Variants in ERBB4 observed in about 807,000 individuals in gnomAD.
ERBB4 encodes the protein erb-b2 receptor tyrosine kinase 4.
Under a neutral mutation model 158.0 loss-of-function variants are expected in ERBB4, and 42 were observed. That is an observed-to-expected ratio of 0.27 (90% CI 0.21 to 0.34). ERBB4 has a LOEUF of 0.34. ERBB4 is among the 10% of genes least tolerant of loss of function. The pLI is 1.00. For missense variants in ERBB4, 1,333 were observed against 1,624.1 expected (o/e 0.82, Z 3.08); for synonymous variants, 583 against 558.7 (o/e 1.04, Z -0.61).
intron 20 of ERBB4, among the ~76,000 whole-genome samples, chr2:211,555,305 C>T (rs1237908625): frequency 6.6e-6 from 1 of 152,154 alleles, no homozygotes. Context: ...CCTGCCTCAG[C>T]CTCCCTAGTA....
intron 14 of ERBB4, among the ~76,000 whole-genome samples, chr2:211,667,936 G>A (rs1263827005): frequency 6.6e-6 from 1 of 151,972 alleles, no homozygotes; most frequent in Non-Finnish European, 1.5e-5. Flanking sequence ...TAATGACCGG[G>A]ATATATTCTG....
At chr2:212,289,138 T>C (rs560966942) in intron 1 of ERBB4, among the ~76,000 whole-genome samples, 1 of 152,280 alleles carries the variant, frequency 6.6e-6, no homozygotes, top group African/African-American at 2.4e-5. Flanking sequence ...TCATATACTA[T>C]AAATGAAATG....
chr2:212,166,620 A>G (rs907926499), intron 1 of ERBB4, among the ~76,000 whole-genome samples: 2 of 152,046 alleles, frequency 1.3e-5, no homozygotes, highest in East Asian at 1.9e-4. Context: ...ATCAAAGAAG[A>G]CCCCGTACAG....
At chr2:211,615,654 AT>A (rs2069358165) in intron 19 of ERBB4, among the ~76,000 whole-genome samples, 1 of 151,978 alleles carries the variant, frequency 6.6e-6, no homozygotes, top group Non-Finnish European at 1.5e-5. Flanking sequence ...ACTGCCCCTT[AT>A]TTATTTTTTG....
intron 3 of ERBB4, among the ~76,000 whole-genome samples, chr2:211,857,143 A>G (rs886116516): frequency 1.4e-5 from 2 of 146,376 alleles, no homozygotes; most frequent in East Asian, 4.0e-4. Context: ...GACTCTGTGT[A>G]TATCTCTGTG....
At chr2:212,372,231 A>T (rs1228130809) in intron 1 of ERBB4, among the ~76,000 whole-genome samples, 1 of 152,094 alleles carries the variant, frequency 6.6e-6, no homozygotes, top group East Asian at 1.9e-4. Context: ...TTTTTTGTCA[A>T]CAGTTACTTA....
chr2:211,665,342 G>A lies in ERBB4; in HGVS notation c.1852C>T (p.His618Tyr). The change falls in exon 15 of 28, where the codon CAT (histidine) becomes TAT (tyrosine). Residue 618 changes from histidine (H) to tyrosine (Y), a missense_variant. This residue lies in a region of ERBB4 where 245 missense variants were observed against 247.5 expected (regional missense o/e 0.99). Coordinates refer to ENST00000342788, the MANE Select transcript of ERBB4 (RefSeq NM_005235.3). ...ADPDRECHPC[H>Y]PNCTQGCNGP... ...GCTTACCCTTGGGTGCAGTTTGGAT[G>A]GCATGGGTGGCACTCCCGATCTGGA... is the stretch of plus-strand genomic sequence containing the variant. 6.2e-7 allele frequency: 1 copy of A among 1,614,134 alleles called. No individual in the cohort carries two copies. The highest frequency in any genetic ancestry group is 8.5e-7 in the Non-Finnish European group (1 of 1,180,010).
intron 3 of ERBB4, among the ~76,000 whole-genome samples, chr2:211,845,573 T>C (rs143149658): frequency 0.011 from 1,666 of 152,274 alleles, 14 homozygotes; most frequent in Admixed American, 0.021. Flanking sequence ...CACAGGTTGC[T>C]GGGCTTGTGT....
chr2:211,684,767 T>C (rs909877978), intron 12 of ERBB4, among the ~76,000 whole-genome samples: 1 of 152,212 alleles, frequency 6.6e-6, no homozygotes, highest in Non-Finnish European at 1.5e-5. Context: ...TGAAGGACCC[T>C]ATGAGGAGAT....
At chr2:211,562,566 A>T (rs2067426643) in intron 19 of ERBB4, among the ~76,000 whole-genome samples, 1 of 152,152 alleles carries the variant, frequency 6.6e-6, no homozygotes, top group South Asian at 2.1e-4. Flanking sequence ...GTCATGTATA[A>T]ATCGTAAATA....
chr2:211,575,779 G>A (rs909665340), intron 19 of ERBB4, among the ~76,000 whole-genome samples: 2 of 152,126 alleles, frequency 1.3e-5, no homozygotes, highest in African/African-American at 2.4e-5. Context: ...GCAGGACTGT[G>A]TCATTCTGAC....
chr2:211,930,527 A>G (rs2080145022), intron 3 of ERBB4, among the ~76,000 whole-genome samples: 1 of 152,116 alleles, frequency 6.6e-6, no homozygotes, highest in Non-Finnish European at 1.5e-5. Context: ...AACCAAGTCT[A>G]TTCTGCAGGT....
intron 1 of ERBB4, among the ~76,000 whole-genome samples, chr2:212,352,766 G>A (rs1056498277): frequency 6.6e-5 from 10 of 152,056 alleles, no homozygotes; most frequent in East Asian, 1.9e-4. Flanking sequence ...TACTTGGGAG[G>A]CTGAGGCAGG....
chr2:211,905,317 C>G (rs908670033), intron 3 of ERBB4, among the ~76,000 whole-genome samples: 6 of 152,006 alleles, frequency 3.9e-5, no homozygotes, highest in African/African-American at 1.4e-4. Flanking sequence ...TTCTGCCTCT[C>G]TCTTCCACTA....
intron 3 of ERBB4, among the ~76,000 whole-genome samples, chr2:211,794,605 A>G (rs2076344153): frequency 6.6e-6 from 1 of 151,986 alleles, no homozygotes; most frequent in Non-Finnish European, 1.5e-5. Context: ...TGCACTAGAT[A>G]TTTACATTGT....
At chr2:211,675,792 T>TCATA (rs1553607853) in intron 13 of ERBB4, among the ~76,000 whole-genome samples, 1 of 93,574 alleles carries the variant, frequency 1.1e-5, no homozygotes, top group Admixed American at 1.1e-4. Flanking sequence ...AAATATAATA[T>TCATA]TATATATATA....
intron 4 of ERBB4, among the ~76,000 whole-genome samples, chr2:211,786,376 T>C (rs2076164969): frequency 6.6e-6 from 1 of 152,142 alleles, no homozygotes; most frequent in South Asian, 2.1e-4. Flanking sequence ...TGTCAGCAAA[T>C]AAAACTACTA....
intron 25 of ERBB4, among the ~76,000 whole-genome samples, chr2:211,388,335 G>A (rs1409166496): frequency 1.3e-5 from 2 of 152,112 alleles, no homozygotes; most frequent in Admixed American, 1.3e-4. Flanking sequence ...AGCTGTAAAT[G>A]GGAAACAGTT....
At chr2:212,301,170 T>C (rs1314775502) in intron 1 of ERBB4, among the ~76,000 whole-genome samples, 2 of 151,000 alleles carry the variant, frequency 1.3e-5, no homozygotes, top group African/African-American at 2.4e-5. Context: ...TTTCCTTTCC[T>C]GATTCAAGGA....
Sources: allele counts gnomAD v4.1 joint callset (sites outside exome capture counted in the v4.1 genomes callset), GRCh38; gene constraint gnomAD v4.1.1; regional missense constraint gnomAD v4.1.1; transcripts MANE v1.5; gene names NCBI Gene and HGNC (gene_info 2026-07-23, HGNC 2026-07-21).